The following DNAJC3 variants were observed in gnomAD, a reference collection of about 807,000 sequenced individuals.
The protein encoded by DNAJC3 is DnaJ heat shock protein family (Hsp40) member C3, also known as dnaJ homolog subfamily C member 3.
Under a neutral mutation model 68.6 loss-of-function variants are expected in DNAJC3, and 38 were observed. That is an observed-to-expected ratio of 0.55 (90% confidence interval 0.43 to 0.73). The LOEUF is 0.73. DNAJC3 is among the 30% of genes least tolerant of loss of function. The probability of loss-of-function intolerance (pLI) is 0.00; values close to 1 mark genes in which losing one functional copy is unlikely to be tolerated. For synonymous variants in DNAJC3, 203 were observed against 204.0 expected (o/e 1.00, Z 0.04); for missense variants, 526 against 591.9 (o/e 0.89, Z 1.16).
intron 1 of DNAJC3, among the ~76,000 whole-genome samples, chr13:95,706,933 G>C (rs1880770858): frequency 6.6e-6 from 1 of 152,140 alleles, no homozygotes. Context: ...TGATCTGAAA[G>C]TTGGATCTGA....
chr13:95,764,815 T>G (rs1882946531), intron 9 of DNAJC3, among the ~76,000 whole-genome samples: 1 of 149,536 alleles, frequency 6.7e-6, no homozygotes, highest in Admixed American at 6.7e-5. Context: ...TATGAACATT[T>G]AAATGATACA....
intron 9 of DNAJC3, among the ~76,000 whole-genome samples, chr13:95,775,337 A>G (rs961636254): frequency 6.6e-6 from 1 of 152,248 alleles, no homozygotes; most frequent in Non-Finnish European, 1.5e-5. Context: ...TGATTTATCA[A>G]TTTTAGGCAG....
intron 11 of DNAJC3, 46 bp from the exon 12 acceptor site, chr13:95,790,827 A>C: frequency 6.3e-7 from 1 of 1,591,634 alleles, no homozygotes; most frequent in Non-Finnish European, 8.5e-7. Context: ...CCCTGCCCCT[A>C]TACCTTAGAT....
chr13:95,729,196 T>G (rs1383911742), intron 4 of DNAJC3, among the ~76,000 whole-genome samples: 1 of 149,882 alleles, frequency 6.7e-6, no homozygotes, highest in Non-Finnish European at 1.5e-5. Context: ...TCTCTCTCTC[T>G]CTCTCTTTCT....
At chr13:95,700,154 T>C (rs770105678) in intron 1 of DNAJC3, among the ~76,000 whole-genome samples, 4 of 152,268 alleles carry the variant, frequency 2.6e-5, no homozygotes, top group Middle Eastern at 3.4e-3. Flanking sequence ...TCTCACTGTA[T>C]TGTCCAGGCC....
rs1301676404 is a variant in DNAJC3, at chr13:95,677,465, G to A, written c.82+128G>A. ...GGGGCGAGCGCTGGGGGAGCCCGCGGCCTGGCTTGGGCCTGAGCCCGCGCC... is the reference window on the plus strand; with the variant it reads ...GGGGCGAGCGCTGGGGGAGCCCGCGACCTGGCTTGGGCCTGAGCCCGCGCC... On this transcript the variant is annotated intron_variant, in intron 1 of 11. Coordinates refer to ENST00000602402, the MANE Select transcript of DNAJC3 (RefSeq NM_006260.5). 1.6e-5 allele frequency: 16 copies of A among 971,004 alleles called. No homozygotes were observed. The East Asian group carries it at 4.2e-4, about 26-fold the overall frequency. 60.1% of individuals were successfully genotyped at this position (971,004 alleles called of 1,614,324 possible).
intron 1 of DNAJC3, among the ~76,000 whole-genome samples, chr13:95,707,229 G>A (rs1304721756): frequency 6.6e-6 from 1 of 152,164 alleles, no homozygotes; most frequent in Non-Finnish European, 1.5e-5. Context: ...AGGTGGTAAT[G>A]CTCTCTGGCT....
At chr13:95,740,920 T>C (rs1882121102) in intron 4 of DNAJC3, among the ~76,000 whole-genome samples, 2 of 152,374 alleles carry the variant, frequency 1.3e-5, no homozygotes, top group South Asian at 4.1e-4. Context: ...AAAAATGATA[T>C]GTATCTCTTT....
chr13:95,737,658 G>T (rs1193509350), intron 4 of DNAJC3, among the ~76,000 whole-genome samples: 1 of 151,652 alleles, frequency 6.6e-6, no homozygotes, highest in Non-Finnish European at 1.5e-5. Context: ...CTGTGGGATC[G>T]GTGGTGATAT....
chr13:95,734,482 G>A (rs1881823952), intron 4 of DNAJC3, among the ~76,000 whole-genome samples: 1 of 152,170 alleles, frequency 6.6e-6, no homozygotes, highest in South Asian at 2.1e-4. Context: ...CAGTTTGATT[G>A]CTATGTGCCA....
At chr13:95,767,724 C>T (rs1883035563) in intron 9 of DNAJC3, among the ~76,000 whole-genome samples, 1 of 145,724 alleles carries the variant, frequency 6.9e-6, no homozygotes, top group Non-Finnish European at 1.5e-5. Context: ...GAGTCTTGCT[C>T]TGTCGCCCAG....
intron 9 of DNAJC3, among the ~76,000 whole-genome samples, chr13:95,771,850 A>G (rs1199371905): frequency 1.3e-5 from 2 of 151,554 alleles, no homozygotes; most frequent in Admixed American, 6.6e-5. Flanking sequence ...AGCTTGGCCA[A>G]TTCTAGATCT....
intron 4 of DNAJC3, among the ~76,000 whole-genome samples, chr13:95,735,542 G>A (rs1460273657): frequency 2.0e-5 from 3 of 150,952 alleles, no homozygotes; most frequent in Non-Finnish European, 2.9e-5. Context: ...ATCTCATTGT[G>A]GTTTTGATTT....
intron 1 of DNAJC3, among the ~76,000 whole-genome samples, chr13:95,707,790 C>T (rs1391846598): frequency 6.6e-6 from 1 of 152,186 alleles, no homozygotes; most frequent in Non-Finnish European, 1.5e-5. Flanking sequence ...GACCAACTTG[C>T]AAGAGGGGTC....
At chr13:95,731,723 G>A (rs911959137) in intron 4 of DNAJC3, among the ~76,000 whole-genome samples, 1 of 151,944 alleles carries the variant, frequency 6.6e-6, no homozygotes, top group Non-Finnish European at 1.5e-5. Flanking sequence ...CCAGGCTGGA[G>A]TGCAGTGGTG....
intron 3 of DNAJC3, among the ~76,000 whole-genome samples, chr13:95,724,604 C>T (rs1881444901): frequency 6.6e-6 from 1 of 152,228 alleles, no homozygotes; most frequent in South Asian, 2.1e-4. Flanking sequence ...GTGGTCACCA[C>T]TAGCTACTTC....
At chr13:95,689,561 C>T (rs73550518) in intron 1 of DNAJC3, among the ~76,000 whole-genome samples, 2,595 of 151,256 alleles carry the variant, frequency 0.017, 78 homozygotes, top group African/African-American at 0.06. Flanking sequence ...TTTGTAGATC[C>T]TTTTTCTTTT....
intron 4 of DNAJC3, among the ~76,000 whole-genome samples, chr13:95,747,661 C>T (rs1400234690): frequency 6.6e-6 from 1 of 152,126 alleles, no homozygotes; most frequent in Non-Finnish European, 1.5e-5. Context: ...ACTGGTTGCT[C>T]TGAAGAATGG....
intron 4 of DNAJC3, among the ~76,000 whole-genome samples, chr13:95,737,467 G>T (rs1025368879): frequency 1.3e-5 from 2 of 151,032 alleles, no homozygotes; most frequent in African/African-American, 4.9e-5. Flanking sequence ...CTTTTTGGTT[G>T]GTAAGCTATT....
Sources: gnomAD v4.1 joint callset for allele counts (sites outside exome capture counted in the v4.1 genomes callset) on GRCh38, gnomAD v4.1.1 for gene constraint, MANE v1.5 for transcripts, NCBI Gene and HGNC (gene_info 2026-07-23, HGNC 2026-07-21) for gene names.